The following EIF2AK4 variants were observed in gnomAD, a reference collection of about 807,000 sequenced individuals.
The protein encoded by EIF2AK4 is eukaryotic translation initiation factor 2 alpha kinase 4, also known as eIF-2-alpha kinase GCN2.
In EIF2AK4, 139 loss-of-function variants were observed where a neutral mutation model predicts 211.1. The ratio of observed to expected loss-of-function variants is 0.66; its 90% CI spans 0.57 to 0.76. The LOEUF is 0.76. Among genes scored for constraint, EIF2AK4 ranks in the 30% least tolerant of loss-of-function variants. The pLI is 0.00. For synonymous variants in EIF2AK4, 710 were observed against 751.3 expected, an observed-to-expected ratio of 0.94 and a Z score of 0.90; for missense variants, 1,664 against 2,043.8, an observed-to-expected ratio of 0.81 and a Z score of 3.58.
In EIF2AK4 at chr15:40,003,266, A is replaced by G. The variant is rs377213231; in HGVS notation, c.3309A>G (p.Leu1103=). The change falls in exon 23 of 39, where the codon CTA becomes CTG. Residue 1103 remains leucine, a synonymous_variant. Coordinates refer to ENST00000263791, the MANE Select transcript of EIF2AK4 (RefSeq NM_001013703.4). ...RQIYEHNEAA[L]FMDHSGMLVM... is the part of the protein sequence containing the mutation. ...TATATGAGCACAACGAAGCTGCCCT[A>G]TTCATGGACCACAGCGGGATGCTGG... The G allele has an allele frequency of 7.4e-6, 12 of 1,614,064 alleles. No individual in the cohort carries two copies. The African/African-American group carries it at 1.5e-4, about 20-fold the overall frequency.
chr15:39,986,726 G>A (rs986638329), intron 14 of EIF2AK4, among the ~76,000 whole-genome samples: 3 of 152,182 alleles, frequency 2.0e-5, no homozygotes, highest in African/African-American at 4.8e-5. Flanking sequence ...ATGGTGGTGT[G>A]CTCCTGTAAT....
At chr15:39,960,690 C>A (rs1358367590) in intron 6 of EIF2AK4, among the ~76,000 whole-genome samples, 2 of 151,786 alleles carry the variant, frequency 1.3e-5, no homozygotes, top group Non-Finnish European at 2.9e-5. Context: ...TGGGAGGGAA[C>A]CCAGAGAGAG....
At chr15:40,007,685 T>G (rs1307071279) in intron 24 of EIF2AK4, among the ~76,000 whole-genome samples, 1 of 152,234 alleles carries the variant, frequency 6.6e-6, no homozygotes, top group African/African-American at 2.4e-5. Context: ...TTTACATGCT[T>G]TTATTCTAGC....
At chr15:39,978,182 C>T (rs781369047) in intron 13 of EIF2AK4, 35 bp downstream of exon 13, 60 of 1,260,466 alleles carry the variant, frequency 4.8e-5, no homozygotes, top group Middle Eastern at 2.7e-4. Context: ...TCATTTTATT[C>T]GTGATATAAT....
chr15:39,937,672 G>T, intron 1 of EIF2AK4, among the ~76,000 whole-genome samples: 1 of 149,876 alleles, frequency 6.7e-6, no homozygotes, highest in Non-Finnish European at 1.5e-5. Context: ...CTTTTAACTT[G>T]TTCATGACTT....
In EIF2AK4 at chr15:40,025,957, T is replaced by G; in HGVS notation, c.4390-20T>G. On this transcript the variant is annotated intron_variant, in intron 32 of 38. Transcript: ENST00000263791. Reference sequence around the variant, plus strand: ...GGTTCAGAAACCTCCAAATGATAGATCCGTTTCATTCTTTTTAAGGTTAAG... The same window carrying G: ...GGTTCAGAAACCTCCAAATGATAGAGCCGTTTCATTCTTTTTAAGGTTAAG... 6.2e-7 allele frequency: 1 copy of G among 1,608,590 alleles called. No individual in the cohort carries two copies. Among genetic ancestry groups the G allele is most frequent in the Non-Finnish European group, 8.5e-7 (1 of 1,175,558 alleles).
chr15:40,026,489 T>G (rs2035467285), intron 33 of EIF2AK4, among the ~76,000 whole-genome samples: 1 of 152,170 alleles, frequency 6.6e-6, no homozygotes, highest in Admixed American at 6.5e-5. Context: ...AATTTGATCC[T>G]TTTGAGAAAC....
intron 1 of EIF2AK4, among the ~76,000 whole-genome samples, chr15:39,936,782 A>G (rs2034070810): frequency 6.6e-6 from 1 of 152,196 alleles, no homozygotes. Context: ...ATGTGTGCAC[A>G]TTCCACACAT....
At chr15:40,009,421 TATTAA>T (rs2035207326) in intron 25 of EIF2AK4, among the ~76,000 whole-genome samples, 188 bp from the exon 26 acceptor site, 1 of 151,878 alleles carries the variant, frequency 6.6e-6, no homozygotes, top group Non-Finnish European at 1.5e-5. Context: ...TATAATATAG[TATTAA>T]ATTAGAGTAT....
In EIF2AK4 at chr15:40,008,026, G is replaced by T. The variant is rs766869152; in HGVS notation, c.3408-1G>T. On this transcript the variant is annotated splice_acceptor_variant, in intron 24 of 38. Coordinates refer to ENST00000263791, the MANE Select transcript of EIF2AK4 (RefSeq NM_001013703.4). LOFTEE classifies it high-confidence loss of function. The stretch of plus-strand genomic sequence containing the variant: ...TTAGAAATCTGGGTTTCTCTCTCCA[G>T]ATACTGCATAGAACGTGTGTTCAGG... The T allele has an allele frequency of 1.1e-5, 17 of 1,560,794 alleles. No individual in the cohort carries two copies. Among genetic ancestry groups the T allele is most frequent in the African/African-American group, 2.8e-5 (2 of 72,498 alleles).
At chr15:39,972,268 T>G (rs1199608819) in intron 9 of EIF2AK4, among the ~76,000 whole-genome samples, 2 of 150,802 alleles carry the variant, frequency 1.3e-5, no homozygotes, top group Non-Finnish European at 2.9e-5. Context: ...GAGGATTGCT[T>G]GAGCCCGGGA....
At position 40,022,860 on chromosome 15, in the gene EIF2AK4, G is replaced by T. The variant is rs528244783; in HGVS notation, c.4389+255G>T. 3.3e-5 allele frequency among the ~76,000 whole-genome samples: 5 copies of T among 151,806 alleles called. No individual in the cohort carries two copies. In the East Asian group the frequency reaches 9.7e-4, roughly 29 times the overall value. On this transcript the variant is annotated intron_variant, in intron 32 of 38. Coordinates refer to ENST00000263791, the MANE Select transcript of EIF2AK4 (RefSeq NM_001013703.4). ...GCCATTTTCCTGCCTCAGCCTCCCC[G>T]GTAGCTGGGACTGCAGGTGCCCGCC...
intron 3 of EIF2AK4, among the ~76,000 whole-genome samples, chr15:39,945,072 T>C (rs2034208609): frequency 6.6e-6 from 1 of 152,172 alleles, no homozygotes; most frequent in African/African-American, 2.4e-5. Context: ...TGAAAAGTAA[T>C]GTGAAGTTAT....
At chr15:39,939,891 A>G (rs984612009) in intron 2 of EIF2AK4, among the ~76,000 whole-genome samples, 5 of 146,802 alleles carry the variant, frequency 3.4e-5, no homozygotes, top group African/African-American at 1.3e-4. Context: ...TTGTTTATTT[A>G]TTTCTTCATA....
chr15:40,017,551 A>ATATATATATGTATG (rs71132134), intron 29 of EIF2AK4, among the ~76,000 whole-genome samples: 7 of 87,080 alleles, frequency 8.0e-5, no homozygotes, highest in African/African-American at 1.3e-4. Flanking sequence ...ATATATATAT[A>ATATATATATGTATG]TATGTATTTT....
intron 15 of EIF2AK4, among the ~76,000 whole-genome samples, chr15:39,988,394 G>A (rs1195180205): frequency 1.3e-5 from 2 of 152,214 alleles, no homozygotes; most frequent in Non-Finnish European, 2.9e-5. Context: ...TTCTTGTATG[G>A]CCTGTGAGCT....
At chr15:39,969,321 C>T (rs866818770) in intron 9 of EIF2AK4, among the ~76,000 whole-genome samples, 16 of 149,190 alleles carry the variant, frequency 1.1e-4, no homozygotes, top group Middle Eastern at 3.6e-3. Flanking sequence ...TATGCTCTGT[C>T]AGTTTTAAAC....
At chr15:40,019,233 G>A (rs756358456) in intron 30 of EIF2AK4, 33 bp downstream of exon 30, 17 of 1,467,946 alleles carry the variant, frequency 1.2e-5, no homozygotes, top group Admixed American at 4.8e-5. Flanking sequence ...AGCATACTTC[G>A]AGGTGTCTTT....
chr15:39,986,546 G>A (rs2034867778), intron 14 of EIF2AK4, among the ~76,000 whole-genome samples: 1 of 152,232 alleles, frequency 6.6e-6, no homozygotes, highest in African/African-American at 2.4e-5. Flanking sequence ...GGCTCTTCCA[G>A]TAGAGGAGTG....
Sources: gnomAD v4.1 joint callset for allele counts (sites outside exome capture counted in the v4.1 genomes callset) on GRCh38, gnomAD v4.1.1 for gene constraint, MANE v1.5 for transcripts, NCBI Gene and HGNC (gene_info 2026-07-23, HGNC 2026-07-21) for gene names.